The following PDE3B variants were observed in gnomAD, a reference collection of about 807,000 sequenced individuals.
The protein encoded by PDE3B is cGMP-inhibited 3',5'-cyclic phosphodiesterase 3B.
PDE3B carries 66 observed loss-of-function variants against 116.8 expected under a neutral mutation model. The observed-to-expected ratio is 0.56, with a 90% CI of 0.46 to 0.69. The LOEUF is 0.69. Ranked by LOEUF, PDE3B falls within the 30% of genes least tolerant of loss-of-function variation. PDE3B has a pLI of 0.00. For synonymous variants in PDE3B, 595 were observed against 533.6 expected, an observed-to-expected ratio of 1.12 and a Z score of -1.59; for missense variants, 1,384 against 1,368.1, an observed-to-expected ratio of 1.01 and a Z score of -0.18.
intron 5 of PDE3B, among the ~76,000 whole-genome samples, chr11:14,808,867 A>G (rs1302138419): frequency 2.0e-5 from 3 of 152,202 alleles, no homozygotes; most frequent in Non-Finnish European, 2.9e-5. Context: ...AAGAAGACCT[A>G]AATATATTGG....
At position 14,771,871 on chromosome 11, in the gene PDE3B, A is replaced by C. The variant is rs894252316; in HGVS notation, c.979-66A>C. 30 of 624,562 alleles carry C rather than the reference A, an allele frequency of 4.8e-5. No homozygotes were observed. The Admixed American group carries it at 7.5e-4, about 16-fold the overall frequency. 38.7% of individuals were successfully genotyped at this position (624,562 alleles called of 1,614,324 possible). A position where few individuals can be genotyped will look rare whatever the true frequency, so the allele number is the denominator to read the frequency against. On this transcript the variant is annotated intron_variant, in intron 1 of 15. Coordinates refer to ENST00000282096, the MANE Select transcript of PDE3B (RefSeq NM_000922.4). The stretch of plus-strand genomic sequence containing the variant: ...AGATAATTATAATTGAAAATGCTGA[A>C]TTTTGTCTTTACATATACTTTTTTG...
At chr11:14,710,984 A>G (rs1309385743) in intron 1 of PDE3B, among the ~76,000 whole-genome samples, 4 of 152,370 alleles carry the variant, frequency 2.6e-5, no homozygotes, top group African/African-American at 7.2e-5. Context: ...AAAGACTAGT[A>G]TATAATAGGC....
chr11:14,644,296 C>T lies in PDE3B; in HGVS notation c.221C>T (p.Pro74Leu). ...CCCCAGCAGCCGCGGCGCTGCTCCC[C>T]CTTCTGCCGGGCGCGCCTCTCGCTG... The part of the protein sequence containing the change: ...ASPQQPRRCS[P>L]FCRARLSLGA... The change falls in exon 1 of 16, where the codon CCC (proline) becomes CTC (leucine). Residue 74 changes from proline to leucine, a missense_variant. Transcript: ENST00000282096. 2 of 1,564,922 alleles carry T rather than the reference C, an allele frequency of 1.3e-6. No individual in the cohort carries two copies. The highest frequency in any genetic ancestry group is 2.4e-5 in the East Asian group (1 of 41,630).
chr11:14,644,723 C>T lies in PDE3B; in HGVS notation c.648C>T (p.Leu216=), dbSNP rs539357521. 5.1e-6 allele frequency: 8 copies of T among 1,553,400 alleles called. No individual in the cohort carries two copies. The Admixed American group carries it at 1.6e-4, about 31-fold the overall frequency. Residue 216 remains leucine, a synonymous_variant, in exon 1 of 16, where the codon CTC becomes CTT. Transcript: ENST00000282096. ...LLLTLAHPLR[L]RHCVLVLLLA... is the part of the protein sequence containing the mutation. The stretch of plus-strand genomic sequence containing the variant: ...TGACGCTCGCGCACCCGCTGCGGCT[C>T]CGGCACTGCGTTCTGGTGCTGCTCC...
At chr11:14,854,066 G>A (rs781820705) in intron 12 of PDE3B, among the ~76,000 whole-genome samples, 2 of 152,030 alleles carry the variant, frequency 1.3e-5, no homozygotes, top group Non-Finnish European at 2.9e-5. Context: ...GAGGAGGATG[G>A]GTATTATCAC....
At chr11:14,667,239 A>T (rs1399167836) in intron 1 of PDE3B, among the ~76,000 whole-genome samples, 26 of 148,958 alleles carry the variant, frequency 1.7e-4, no homozygotes, top group African/African-American at 4.7e-4. Flanking sequence ...AACAATGAGA[A>T]CACATGGACA....
At chr11:14,724,963 T>C (rs1032450970) in intron 1 of PDE3B, among the ~76,000 whole-genome samples, 2 of 152,216 alleles carry the variant, frequency 1.3e-5, no homozygotes, top group Non-Finnish European at 2.9e-5. Flanking sequence ...AGATCTTTGC[T>C]GTCATGGAAC....
chr11:14,653,242 C>T (rs536661790), intron 1 of PDE3B, among the ~76,000 whole-genome samples: 8 of 152,040 alleles, frequency 5.3e-5, no homozygotes, highest in South Asian at 2.1e-4. Flanking sequence ...ACTCAGAAAC[C>T]TCACGTAAAA....
intron 14 of PDE3B, among the ~76,000 whole-genome samples, chr11:14,862,054 C>T (rs1489522031): frequency 6.6e-6 from 1 of 152,222 alleles, no homozygotes; most frequent in Non-Finnish European, 1.5e-5. Flanking sequence ...ACCAATTAAA[C>T]TCCACCATTT....
chr11:14,721,458 T>G (rs1166034148), intron 1 of PDE3B, among the ~76,000 whole-genome samples: 1 of 151,414 alleles, frequency 6.6e-6, no homozygotes, highest in African/African-American at 2.4e-5. Context: ...CATGCTGCTA[T>G]AAAGACACAT....
At chr11:14,789,460 T>TG (rs1858317653) in intron 4 of PDE3B, among the ~76,000 whole-genome samples, 1 of 152,024 alleles carries the variant, frequency 6.6e-6, no homozygotes, top group Admixed American at 6.6e-5. Context: ...GGGTACAAAA[T>TG]GTGCTGGATC....
chr11:14,795,594 T>C (rs1361029151), intron 4 of PDE3B, among the ~76,000 whole-genome samples: 1 of 152,116 alleles, frequency 6.6e-6, no homozygotes, highest in Non-Finnish European at 1.5e-5. Flanking sequence ...ATACTGAAAT[T>C]ATTGAAAGAC....
At chr11:14,765,932 A>G (rs993036162) in intron 1 of PDE3B, among the ~76,000 whole-genome samples, 3 of 151,368 alleles carry the variant, frequency 2.0e-5, no homozygotes, top group Non-Finnish European at 4.4e-5. Context: ...TGTGTATCAG[A>G]GCATTTACTG....
the PDE3B span, chr11:14,891,984 T>C: frequency 6.2e-7 from 1 of 1,613,120 alleles, no homozygotes; most frequent in Non-Finnish European, 8.5e-7. Context: ...GCTGTACCTC[T>C]CCGTACACCT....
chr11:14,800,910 A>G (rs1330145557), intron 4 of PDE3B, among the ~76,000 whole-genome samples: 2 of 151,818 alleles, frequency 1.3e-5, no homozygotes, highest in East Asian at 1.9e-4. Flanking sequence ...TTGATCTTCA[A>G]TCTCTGATAT....
At chr11:14,842,689 C>T (rs772202378) in intron 11 of PDE3B, among the ~76,000 whole-genome samples, 16 of 152,222 alleles carry the variant, frequency 1.1e-4, no homozygotes, top group Non-Finnish European at 2.2e-4. Flanking sequence ...CGTACTATTA[C>T]GATTGGACCT....
At chr11:14,799,975 T>G (rs1190601088) in intron 4 of PDE3B, among the ~76,000 whole-genome samples, 1 of 152,200 alleles carries the variant, frequency 6.6e-6, no homozygotes, top group African/African-American at 2.4e-5. Flanking sequence ...GTCATTATGA[T>G]GCTAGCTGGT....
intron 1 of PDE3B, among the ~76,000 whole-genome samples, chr11:14,675,474 A>T (rs1036884103): frequency 6.6e-6 from 1 of 152,122 alleles, no homozygotes; most frequent in Non-Finnish European, 1.5e-5. Context: ...GTAATCATGA[A>T]CCAAAACAAG....
chr11:14,662,330 G>A (rs373121288), intron 1 of PDE3B, among the ~76,000 whole-genome samples: 6 of 152,056 alleles, frequency 3.9e-5, no homozygotes, highest in African/African-American at 7.3e-5. Context: ...TCAAAGACCA[G>A]AAGTAGATAA....
Sources: gnomAD v4.1 joint callset for allele counts (sites outside exome capture counted in the v4.1 genomes callset) on GRCh38, gnomAD v4.1.1 for gene constraint, MANE v1.5 for transcripts, NCBI Gene and HGNC (gene_info 2026-07-23, HGNC 2026-07-21) for gene names.